The following SPINT2 variants were observed in gnomAD, a reference collection of about 807,000 sequenced individuals.
The protein encoded by SPINT2 is serine peptidase inhibitor, Kunitz type 2, also known as kunitz-type protease inhibitor 2.
In SPINT2, 18 loss-of-function variants were observed where a neutral mutation model predicts 30.1. The ratio of observed to expected loss-of-function variants is 0.60; its 90% confidence interval spans 0.41 to 0.89. SPINT2 has a LOEUF of 0.89. Among genes scored for constraint, SPINT2 ranks in the 40% least tolerant of loss-of-function variants. The pLI is 0.00. For synonymous variants in SPINT2, 139 were observed against 137.9 expected, an observed-to-expected ratio of 1.01 and a Z score of -0.05; for missense variants, 276 against 334.3, an observed-to-expected ratio of 0.83 and a Z score of 1.36.
At chr19:38,279,873 C>T (rs1220033352) in intron 1 of SPINT2, among the ~76,000 whole-genome samples, 2 of 152,218 alleles carry the variant, frequency 1.3e-5, no homozygotes, top group African/African-American at 2.4e-5. Context: ...AGGCTGGTCT[C>T]GAACTCCTGA....
At chr19:38,289,388 G>A in intron 4 of SPINT2, 197 bp downstream of exon 4, 1 of 471,854 alleles carries the variant, frequency 2.1e-6, no homozygotes, top group Non-Finnish European at 4.0e-6. Flanking sequence ...GGAGACTGAG[G>A]CAGGAGAATT....
chr19:38,276,678 TA>T (rs1442781966), intron 1 of SPINT2, among the ~76,000 whole-genome samples: 1 of 152,064 alleles, frequency 6.6e-6, no homozygotes, highest in Non-Finnish European at 1.5e-5. Context: ...TTAATGGATA[TA>T]AAAACATGAA....
At chr19:38,277,166 T>C (rs1219455585) in intron 1 of SPINT2, among the ~76,000 whole-genome samples, 1 of 152,226 alleles carries the variant, frequency 6.6e-6, no homozygotes, top group Non-Finnish European at 1.5e-5. Context: ...AATATTTCAT[T>C]AAAGTTCTTA....
intron 6 of SPINT2, 179 bp from the exon 7 acceptor site, chr19:38,291,661 G>C: frequency 1.4e-6 from 1 of 720,194 alleles, no homozygotes; most frequent in South Asian, 2.0e-5. Context: ...GACTCTCCTT[G>C]GTGGCATCTC....
intron 1 of SPINT2, among the ~76,000 whole-genome samples, chr19:38,271,351 G>A (rs1280254953): frequency 2.6e-5 from 4 of 151,780 alleles, no homozygotes; most frequent in East Asian, 1.9e-4. Flanking sequence ...AATTAGCCTC[G>A]CGTGGTGGCG....
intron 1 of SPINT2, among the ~76,000 whole-genome samples, chr19:38,270,433 C>G (rs1968440171): frequency 6.6e-6 from 1 of 152,204 alleles, no homozygotes; most frequent in Non-Finnish European, 1.5e-5. Flanking sequence ...AATTAGAGCA[C>G]TGAACAAAAT....
In SPINT2 at chr19:38,291,896, A is replaced by C; in HGVS notation, c.649A>C (p.Met217Leu). 1 of 1,613,748 alleles carries C rather than the reference A, an allele frequency of 6.2e-7. No individual in the cohort carries two copies. Among genetic ancestry groups the C allele is most frequent in the Non-Finnish European group, 8.5e-7 (1 of 1,179,952 alleles). ...GTTGATCCTCTTCCTGGGAGCCTCC[A>C]TGGTCTACCTGATCCGGGTGGCACG... ...MVLILFLGAS[M>L]VYLIRVARRN... Residue 217 changes from methionine (M) to leucine (L), a missense_variant, in exon 7 of 7, where the codon ATG (methionine) becomes CTG (leucine). By Grantham distance (15) the Met-to-Leu change is conservative. Transcript: ENST00000301244.
intron 1 of SPINT2, among the ~76,000 whole-genome samples, chr19:38,283,413 T>TGG (rs1968603233): frequency 6.6e-6 from 1 of 151,992 alleles, no homozygotes; most frequent in South Asian, 2.1e-4. Flanking sequence ...GTTCAGTGGG[T>TGG]GGGTTGCTGT....
Position 38,290,794 on chromosome 19 carries a change from C to G in SPINT2, c.592+219C>G. 1.5e-6 allele frequency: 1 copy of G among 674,992 alleles called. No homozygotes were observed. Among genetic ancestry groups the G allele is most frequent in the Non-Finnish European group, 2.6e-6 (1 of 387,312 alleles). The allele number at this position is 674,992 out of a possible 1,614,324, so 41.8% of individuals were successfully genotyped here. A position where few individuals can be genotyped will look rare whatever the true frequency, so the allele number is the denominator to read the frequency against. On this transcript the variant is annotated intron_variant, in intron 6 of 6. Coordinates refer to ENST00000301244, the MANE Select transcript of SPINT2 (RefSeq NM_021102.4). This position sits in a 1 kb window ranked among gnomAD's most constrained non-coding sequence, Gnocchi z 4.3. ...GAGTCAGTCACAAGGCAGGCCCTGC[C>G]CAGGCGGCGTGGGTGACTGGGGATG... is the stretch of plus-strand genomic sequence containing the variant.
At chr19:38,280,780 C>G (rs921135789) in intron 1 of SPINT2, among the ~76,000 whole-genome samples, 2 of 152,130 alleles carry the variant, frequency 1.3e-5, no homozygotes, top group Non-Finnish European at 2.9e-5. Flanking sequence ...GCCTGGGCGC[C>G]GGGTGTTGTT....
At chr19:38,282,488 A>G (rs562609129) in intron 1 of SPINT2, among the ~76,000 whole-genome samples, 7 of 152,294 alleles carry the variant, frequency 4.6e-5, no homozygotes, top group African/African-American at 1.2e-4. Flanking sequence ...GTCGCCTTCA[A>G]TCCTTCCAGT....
chr19:38,291,851 G>T lies in SPINT2; in HGVS notation c.604G>T (p.Ala202Ser). The change falls in exon 7 of 7, where the codon GCG becomes TCG. Residue 202 changes from alanine (A) to serine (S), a missense_variant. By Grantham distance (99) the Ala-to-Ser change is moderately conservative. Coordinates refer to ENST00000301244, the MANE Select transcript of SPINT2 (RefSeq NM_021102.4). ...LPLGSKVVVL[A>S]GLFVMVLILF... ...TCTCTCGTCCTCAGTGGTGGTTCTGGCGGGGCTGTTCGTGATGGTGTTGAT... is the reference window on the plus strand; with the variant it reads ...TCTCTCGTCCTCAGTGGTGGTTCTGTCGGGGCTGTTCGTGATGGTGTTGAT... The T allele has an allele frequency of 6.2e-7, 1 of 1,612,574 alleles. No homozygotes were observed. The highest frequency in any genetic ancestry group is 8.5e-7 in the Non-Finnish European group (1 of 1,179,892).
chr19:38,289,502 A>AC (rs1968687374), intron 4 of SPINT2: 3 of 239,540 alleles, frequency 1.3e-5, no homozygotes, highest in African/African-American at 6.9e-5. Context: ...AAAAAAAAAA[A>AC]AAAAAAAAAA....
intron 1 of SPINT2, among the ~76,000 whole-genome samples, chr19:38,267,625 T>G (rs1409179342): frequency 1.4e-5 from 2 of 147,500 alleles, no homozygotes; most frequent in Non-Finnish European, 3.0e-5. Context: ...CTGAGACAGG[T>G]CTAGGTGTGA....
chr19:38,265,591 T>G (rs1968368571), intron 1 of SPINT2: 1 of 152,504 alleles, frequency 6.6e-6, no homozygotes, highest in Admixed American at 6.5e-5. Flanking sequence ...GTATTGGCGT[T>G]GAGCAGCTGG....
chr19:38,280,247 G>A (rs1968565593), intron 1 of SPINT2, among the ~76,000 whole-genome samples: 1 of 152,118 alleles, frequency 6.6e-6, no homozygotes, highest in Admixed American at 6.6e-5. Context: ...ACCGTGCTCC[G>A]GAAGAGCTGT....
Position 38,271,508 on chromosome 19 carries a change from A to G in SPINT2, c.106+6510A>G, listed in dbSNP as rs191583077. Among the ~76,000 whole-genome samples the G allele has an allele frequency of 2.8e-4, 41 of 148,986 alleles. No homozygotes were observed. In the East Asian group the frequency reaches 7.6e-3, roughly 28 times the overall value. On this transcript the variant is annotated intron_variant, in intron 1 of 6. Coordinates refer to ENST00000301244, the MANE Select transcript of SPINT2 (RefSeq NM_021102.4). ...CTCTCTCAAAAAAAAAAAAAATGTT[A>G]TGCTAAGTGAGAGGAGCCACTTACA...
rs944702072 is a variant in SPINT2, at chr19:38,264,598, C to T, written c.-295C>T. On this transcript the variant is annotated 5_prime_UTR_variant, in exon 1 of 7. Coordinates refer to ENST00000301244, the MANE Select transcript of SPINT2 (RefSeq NM_021102.4). ...GCCATTGGCTCTGGCGACCTCCGCG[C>T]GTTGGGAGGTGTAGCGCGGCTCTGA... is the stretch of plus-strand genomic sequence containing the variant. 36 of 349,158 alleles carry T rather than the reference C, an allele frequency of 1.0e-4. No individual in the cohort carries two copies. Among genetic ancestry groups the T allele is most frequent in the African/African-American group, 7.8e-4 (36 of 46,090 alleles). 21.6% of individuals were successfully genotyped at this position (349,158 alleles called of 1,614,324 possible). A position where few individuals can be genotyped will look rare whatever the true frequency, so the allele number is the denominator to read the frequency against.
chr19:38,291,165 C>A, intron 6 of SPINT2: 1 of 171,376 alleles, frequency 5.8e-6, no homozygotes, highest in East Asian at 1.5e-4. Flanking sequence ...GGCTGGGAAG[C>A]AAGCAGTCTG....
Sources: gnomAD v4.1 joint callset for allele counts (sites outside exome capture counted in the v4.1 genomes callset) on GRCh38, gnomAD v4.1.1 for gene constraint, Gnocchi (gnomAD v3.1) non-coding constraint, MANE v1.5 for transcripts, NCBI Gene and HGNC (gene_info 2026-07-23, HGNC 2026-07-21) for gene names.